ATP4B: variants seen among roughly 807,000 people sequenced by gnomAD.
ATP4B encodes ATPase H+/K+ transporting subunit beta.
ATP4B carries 27 observed loss-of-function variants against 35.3 expected under a neutral mutation model. The observed-to-expected ratio is 0.76, with a 90% CI of 0.56 to 1.05. The LOEUF is 1.05. ATP4B is among the 50% of genes least tolerant of loss of function. The probability of loss-of-function intolerance (pLI) is 0.00; values close to 1 mark genes in which losing one functional copy is unlikely to be tolerated. For synonymous variants in ATP4B, 162 were observed against 156.0 expected (o/e 1.04, Z -0.29); for missense variants, 375 against 384.8 (o/e 0.97, Z 0.21).
Position 113,649,623 on chromosome 13 carries a change from G to T in ATP4B, c.715-88C>A. On this transcript the variant is annotated intron_variant, in intron 6 of 6. Transcript: ENST00000335288. This position sits in a 1 kb window ranked among gnomAD's most constrained non-coding sequence, Gnocchi z 4.7. ...TAAGCAAGGAAGTGTCAACAGTCAG[G>T]TTGGTGCAGAGAAGCAGCTCTTTTG... The T allele has an allele frequency of 7.1e-7, 1 of 1,403,572 alleles. No individual in the cohort carries two copies. Among genetic ancestry groups the T allele is most frequent in the South Asian group, 1.5e-5 (1 of 65,496 alleles). The allele number at this position is 1,403,572 out of a possible 1,614,324, so 86.9% of individuals were successfully genotyped here.
At chr13:113,654,726 G>T in intron 2 of ATP4B, 88 bp downstream of exon 2, 1 of 1,502,790 alleles carries the variant, frequency 6.7e-7, no homozygotes, top group Non-Finnish European at 8.9e-7. Flanking sequence ...TTTCTGGGGA[G>T]GGCACGGGTC....
In ATP4B at chr13:113,652,121, G is replaced by A. The variant is rs553002657; in HGVS notation, c.556-394C>T. On this transcript the variant is annotated intron_variant, in intron 4 of 6. Coordinates refer to ENST00000335288, the MANE Select transcript of ATP4B (RefSeq NM_000705.4). ...CCAGAAAACTCTCTCTGGCCCACCC[G>A]GGCCTTCAGCCCCCTTCCCCACACC... is the stretch of plus-strand genomic sequence containing the variant. Among the ~76,000 whole-genome samples the A allele has an allele frequency of 5.9e-5, 9 of 152,278 alleles. No individual in the cohort carries two copies. In the South Asian group the frequency reaches 6.2e-4, roughly 11 times the overall value.
chr13:113,655,517 T>G (rs1785400326), intron 1 of ATP4B, among the ~76,000 whole-genome samples: 1 of 152,248 alleles, frequency 6.6e-6, no homozygotes, highest in South Asian at 2.1e-4. Context: ...TCATCTCATC[T>G]GCTTCTGAGA....
In ATP4B at chr13:113,649,644, T is replaced by C; in HGVS notation, c.715-109A>G. ...TCAGGTTGGTGCAGAGAAGCAGCTC[T>C]TTTGTGTAAGACTGGCCCTGACCGA... On this transcript the variant is annotated intron_variant, in intron 6 of 6. Transcript: ENST00000335288. This position sits in a 1 kb window ranked among gnomAD's most constrained non-coding sequence, Gnocchi z 4.7. 2 of 1,300,182 alleles carry C rather than the reference T, an allele frequency of 1.5e-6. No individual in the cohort carries two copies. The highest frequency in any genetic ancestry group is 2.0e-6 in the Non-Finnish European group (2 of 977,640). The allele number at this position is 1,300,182 out of a possible 1,614,324, so 80.5% of individuals were successfully genotyped here.
intron 5 of ATP4B, among the ~76,000 whole-genome samples, chr13:113,651,147 T>G (rs2049709105): frequency 6.6e-6 from 1 of 152,000 alleles, no homozygotes; most frequent in South Asian, 2.1e-4. Flanking sequence ...GTGAAACCTT[T>G]GCCTTTGGGT....
At position 113,651,687 on chromosome 13, in the gene ATP4B, A is replaced by G. The variant is rs201861369; in HGVS notation, c.596T>C (p.Val199Ala). The change falls in exon 5 of 7, where the codon GTG (valine) becomes GCG (alanine). Residue 199 changes from valine to alanine, a missense_variant. Physicochemically the swap from Val to Ala is moderately conservative, Grantham distance 64. Coordinates refer to ENST00000335288, the MANE Select transcript of ATP4B (RefSeq NM_000705.4). ...CGTACTCACCAGGAAGGCGCAGTCC[A>G]CTCTGGGGGCCGAGCCGTTGCTGGG... ...FLPSNGSAPR[V>A]DCAFLDQPRE... 2.7e-4 allele frequency: 430 copies of G among 1,613,230 alleles called. 1 individual carries two copies. In the East Asian group the frequency reaches 4.6e-3, roughly 17 times the overall value.
intron 2 of ATP4B, 74 bp from the exon 3 acceptor site, chr13:113,653,508 G>A (rs755458376): frequency 1.7e-5 from 24 of 1,388,274 alleles, no homozygotes; most frequent in African/African-American, 4.3e-5. Flanking sequence ...TGAAGTGGCT[G>A]AGGATACGCC....
rs146169696 is a variant in ATP4B, at chr13:113,656,410, C to T, written c.113-1468G>A. ...TGCTGACCCACTCTGTGGCGAGTCTCAGCTCCACCAGGCGGCTCAGCCCTG... is the reference window on the plus strand; with the variant it reads ...TGCTGACCCACTCTGTGGCGAGTCTTAGCTCCACCAGGCGGCTCAGCCCTG... On this transcript the variant is annotated intron_variant, in intron 1 of 6. Transcript: ENST00000335288. 3.0e-3 allele frequency among the ~76,000 whole-genome samples: 454 copies of T among 152,334 alleles called. 2 individuals carry two copies. The highest frequency in any genetic ancestry group is 0.011 in the African/African-American group (439 of 41,570).
In ATP4B at chr13:113,650,305, T is replaced by G; in HGVS notation, c.714+101A>C. On this transcript the variant is annotated intron_variant, in intron 6 of 6. Coordinates refer to ENST00000335288, the MANE Select transcript of ATP4B (RefSeq NM_000705.4). This position sits in a 1 kb window ranked among gnomAD's most constrained non-coding sequence, Gnocchi z 5.0. ...GTCAGGACCGGCTAAGTCACACCTT[T>G]GTTTCATTTTTCTACATGAAGGGGC... 1 of 1,163,016 alleles carries G rather than the reference T, an allele frequency of 8.6e-7. No individual in the cohort carries two copies. Among genetic ancestry groups the G allele is most frequent in the Non-Finnish European group, 1.3e-6 (1 of 789,206 alleles). The allele number at this position is 1,163,016 out of a possible 1,614,324, so 72.0% of individuals were successfully genotyped here.
At chr13:113,657,304 C>T (rs1341668299) in intron 1 of ATP4B, among the ~76,000 whole-genome samples, 1 of 152,220 alleles carries the variant, frequency 6.6e-6, no homozygotes, top group East Asian at 1.9e-4. Flanking sequence ...CATCCCGACG[C>T]CCAGGGGTCG....
chr13:113,654,691 G>A (rs2049739514), intron 2 of ATP4B, 123 bp downstream of exon 2: 2 of 1,432,570 alleles, frequency 1.4e-6, no homozygotes, highest in Non-Finnish European at 1.9e-6. Context: ...CCCTGGGGCT[G>A]CCGGGCTGGC....
At chr13:113,651,105 G>C (rs2049708827) in intron 5 of ATP4B, among the ~76,000 whole-genome samples, 1 of 151,842 alleles carries the variant, frequency 6.6e-6, no homozygotes. Flanking sequence ...ACACCCTAGT[G>C]GGAAGGCTCC....
Position 113,651,653 on chromosome 13 carries a change from C to T in ATP4B, c.612+18G>A. ...TCCTTTCCTGGGGCAGCCCTGCCCG[C>T]CGCGCGGCCGTACTCACCAGGAAGG... is the stretch of plus-strand genomic sequence containing the variant. On this transcript the variant is annotated intron_variant, in intron 5 of 6. Transcript: ENST00000335288. 6.3e-7 allele frequency: 1 copy of T among 1,596,062 alleles called. No individual in the cohort carries two copies. Among genetic ancestry groups the T allele is most frequent in the South Asian group, 1.1e-5 (1 of 89,220 alleles).
Position 113,649,521 on chromosome 13 carries a change from G to A in ATP4B, c.729C>T (p.Asn243=). The change falls in exon 7 of 7, where the codon AAC becomes AAT. Residue 243 remains asparagine, a synonymous_variant. Coordinates refer to ENST00000335288, the MANE Select transcript of ATP4B (RefSeq NM_000705.4). The surrounding 1 kb of genome is among the most constrained non-coding windows in gnomAD (Gnocchi z 4.7). ...TGAGGAGCTTCGCTGCCACCAGGGG[G>A]TTGCTGTAGTGGGGCTGAAGTGGGA... ...YGKKAQPHYS[N]PLVAAKLLNI... The A allele has an allele frequency of 6.5e-7, 1 of 1,534,272 alleles. No homozygotes were observed. The highest frequency in any genetic ancestry group is 8.8e-7 in the Non-Finnish European group (1 of 1,135,300).
rs1297479705 is a variant in ATP4B at position 113,650,533 on chromosome 13, G to T, written c.613-26C>A. On this transcript the variant is annotated intron_variant, in intron 5 of 6. Coordinates refer to ENST00000335288, the MANE Select transcript of ATP4B (RefSeq NM_000705.4). This position sits in a 1 kb window ranked among gnomAD's most constrained non-coding sequence, Gnocchi z 5.0. Reference sequence around the variant, plus strand: ...CTGGGGAGGAGAGGCCACTGCCTGAGTCAGGCGGGAGCTGGTGTGTGCCGG... The same window carrying T: ...CTGGGGAGGAGAGGCCACTGCCTGATTCAGGCGGGAGCTGGTGTGTGCCGG... 6.3e-7 allele frequency: 1 copy of T among 1,589,770 alleles called. No homozygotes were observed. Among genetic ancestry groups the T allele is most frequent in the South Asian group, 1.1e-5 (1 of 88,514 alleles).
Position 113,649,769 on chromosome 13 carries a change from A to G in ATP4B, c.715-234T>C, listed in dbSNP as rs1426522103. ...AATACCAGGAGTAAATTCAGCTTCA[A>G]ACTCTTACGATGATTAACGTAAAAA... is the stretch of plus-strand genomic sequence containing the variant. On this transcript the variant is annotated intron_variant, in intron 6 of 6. Coordinates refer to ENST00000335288, the MANE Select transcript of ATP4B (RefSeq NM_000705.4). This position sits in a 1 kb window ranked among gnomAD's most constrained non-coding sequence, Gnocchi z 4.7. 6.6e-6 allele frequency among the ~76,000 whole-genome samples: 1 copy of G among 152,240 alleles called. No homozygotes were observed. The highest frequency in any genetic ancestry group is 2.4e-5 in the African/African-American group (1 of 41,460).
chr13:113,652,735 A>G, intron 4 of ATP4B, 138 bp downstream of exon 4: 1 of 967,228 alleles, frequency 1.0e-6, no homozygotes, highest in South Asian at 1.4e-5. Context: ...AAACCAAGGT[A>G]CAGGGTGGTG....
At chr13:113,657,388 G>T (rs1439237368) in intron 1 of ATP4B, among the ~76,000 whole-genome samples, 1 of 152,246 alleles carries the variant, frequency 6.6e-6, no homozygotes. Flanking sequence ...CCCGGAACGG[G>T]TGTGGCAGCC....
chr13:113,652,130 G>T (rs2049717248), intron 4 of ATP4B, among the ~76,000 whole-genome samples: 1 of 152,204 alleles, frequency 6.6e-6, no homozygotes, highest in African/African-American at 2.4e-5. Flanking sequence ...CGGGCCTTCA[G>T]CCCCCTTCCC....
Sources: gnomAD v4.1 joint callset for allele counts (sites outside exome capture counted in the v4.1 genomes callset) on GRCh38, gnomAD v4.1.1 for gene constraint, Gnocchi (gnomAD v3.1) non-coding constraint, MANE v1.5 for transcripts, NCBI Gene and HGNC (gene_info 2026-07-23, HGNC 2026-07-21) for gene names.